The following DACH2 variants were observed in gnomAD, a reference collection of about 807,000 sequenced individuals.
DACH2 encodes the protein dachshund homolog 2.
In DACH2, 17 loss-of-function variants were observed where a neutral mutation model predicts 35.8. The observed-to-expected ratio is 0.48, with a 90% CI of 0.33 to 0.71. DACH2 has a LOEUF of 0.71. Among genes scored for constraint, DACH2 ranks in the 30% least tolerant of loss-of-function variants. The probability of loss-of-function intolerance (pLI) is 0.02; values close to 1 mark genes in which losing one functional copy is unlikely to be tolerated. For synonymous variants in DACH2, 195 were observed against 177.3 expected (o/e 1.10, Z -0.79); for missense variants, 469 against 472.7 (o/e 0.99, Z 0.07).
At chrX:86,674,758 A>C (rs1406617974) in intron 4 of DACH2, among the ~76,000 whole-genome samples, 1 of 111,588 alleles carries the variant, frequency 9.0e-6, no homozygotes, top group East Asian at 2.8e-4. Context: ...CTTTGAAAGA[A>C]AATGAAAAGT....
At chrX:86,224,687 T>G (rs2032784896) in intron 1 of DACH2, among the ~76,000 whole-genome samples, 1 of 111,611 alleles carries the variant, frequency 9.0e-6, no homozygotes, top group African/African-American at 3.2e-5. Context: ...AACGCAGGAT[T>G]TTTTTAAACT....
At chrX:86,752,920 G>A (rs2041789728) in intron 7 of DACH2, among the ~76,000 whole-genome samples, 1 of 111,104 alleles carries the variant, frequency 9.0e-6, no homozygotes, top group Non-Finnish European at 1.9e-5. Flanking sequence ...TAGAACAGTT[G>A]TATAAATATG....
chrX:86,308,343 G>A (rs186513312), intron 1 of DACH2, among the ~76,000 whole-genome samples: 8 of 112,594 alleles, frequency 7.1e-5, no homozygotes, highest in African/African-American at 2.6e-4. Context: ...GGCAGCACTC[G>A]ACTGTCAAAG....
At chrX:86,765,698 G>GTTTTTTTTTTTTTTTTTTTTTT (rs60709865) in intron 7 of DACH2, among the ~76,000 whole-genome samples, 8 of 24,632 alleles carry the variant, frequency 3.2e-4, no homozygotes, top group East Asian at 1.6e-3. Flanking sequence ...TTGTTTTTTG[G>GTTTTTTTTTTTTTTTTTTTTTT]TTTTTTTTTT....
chrX:86,626,252 C>T (rs924383785), intron 3 of DACH2, among the ~76,000 whole-genome samples: 1 of 112,582 alleles, frequency 8.9e-6, no homozygotes, highest in African/African-American at 3.2e-5. Context: ...TCTTAAAGCT[C>T]TTAAATGATC....
chrX:86,177,951 C>A (rs1466813530), intron 1 of DACH2, among the ~76,000 whole-genome samples: 5 of 110,973 alleles, frequency 4.5e-5, no homozygotes, highest in Non-Finnish European at 9.5e-5. Context: ...GGCACTATGA[C>A]CCTGACCTCT....
chrX:86,452,561 A>G (rs1406499860), intron 2 of DACH2, among the ~76,000 whole-genome samples: 1 of 110,849 alleles, frequency 9.0e-6, no homozygotes, highest in African/African-American at 3.3e-5. Context: ...AGGAGGGTGT[A>G]TGTGTTCAGA....
At chrX:86,706,500 A>T (rs1350506067) in intron 5 of DACH2, among the ~76,000 whole-genome samples, 1 of 111,235 alleles carries the variant, frequency 9.0e-6, no homozygotes, top group Non-Finnish European at 1.9e-5. Context: ...GAGTTTTAAT[A>T]GTTTAATTTT....
chrX:86,327,876 A>G (rs978426839), intron 1 of DACH2, among the ~76,000 whole-genome samples: 12 of 111,435 alleles, frequency 1.1e-4, no homozygotes, highest in Admixed American at 3.8e-4. Context: ...CATGACTTTA[A>G]AGGATATCTG....
At chrX:86,529,504 C>T (rs1308604927) in intron 3 of DACH2, among the ~76,000 whole-genome samples, 13 of 104,780 alleles carry the variant, frequency 1.2e-4, no homozygotes, top group African/African-American at 4.6e-4. Flanking sequence ...GATGGAGTCT[C>T]GCTCGTCGCC....
At chrX:86,241,358 G>A (rs1355811753) in intron 1 of DACH2, among the ~76,000 whole-genome samples, 1 of 111,943 alleles carries the variant, frequency 8.9e-6, no homozygotes, top group Non-Finnish European at 1.9e-5. Context: ...CCCTGCCCTA[G>A]AGATGTTTGG....
chrX:86,364,732 T>C (rs2148086318), intron 1 of DACH2, among the ~76,000 whole-genome samples: 1 of 111,994 alleles, frequency 8.9e-6, no homozygotes, highest in South Asian at 3.7e-4. Flanking sequence ...TTTCATTTTT[T>C]CTTTCTTTTA....
intron 7 of DACH2, among the ~76,000 whole-genome samples, chrX:86,783,746 CAT>C (rs1491574983): frequency 9.0e-6 from 1 of 111,327 alleles, no homozygotes. Flanking sequence ...GAAAGTCAAA[CAT>C]AGCATATTCT....
intron 3 of DACH2, among the ~76,000 whole-genome samples, chrX:86,552,981 A>T (rs1402819084): frequency 9.0e-6 from 1 of 111,232 alleles, no homozygotes; most frequent in Non-Finnish European, 1.9e-5. Context: ...CTTATTTCAA[A>T]GTGTACTAGT....
chrX:86,406,281 G>A (rs965793310), intron 2 of DACH2, among the ~76,000 whole-genome samples: 1 of 111,933 alleles, frequency 8.9e-6, no homozygotes, highest in African/African-American at 3.3e-5. Flanking sequence ...CACAAACTAA[G>A]AGAGGAACAG....
intron 1 of DACH2, among the ~76,000 whole-genome samples, chrX:86,358,113 C>G (rs1361526981): frequency 9.0e-6 from 1 of 111,541 alleles, no homozygotes; most frequent in African/African-American, 3.3e-5. Flanking sequence ...CTTGTATTTT[C>G]CTGCAGGATT....
chrX:86,772,147 G>C (rs1411304309), intron 7 of DACH2, among the ~76,000 whole-genome samples: 1 of 111,483 alleles, frequency 9.0e-6, no homozygotes, highest in Non-Finnish European at 1.9e-5. Context: ...ATGTTGGTAT[G>C]AGGAATAAAG....
intron 1 of DACH2, among the ~76,000 whole-genome samples, chrX:86,287,705 A>G (rs1004713899): frequency 8.9e-5 from 10 of 112,066 alleles, no homozygotes; most frequent in African/African-American, 2.6e-4. Context: ...TGCCAATTAC[A>G]TTTTTTAGCT....
intron 3 of DACH2, among the ~76,000 whole-genome samples, chrX:86,537,450 C>A (rs966521778): frequency 9.0e-6 from 1 of 111,315 alleles, no homozygotes; most frequent in African/African-American, 3.3e-5. Flanking sequence ...TCTATTTATA[C>A]TAATATTTGC....
Sources: gnomAD v4.1 joint callset for allele counts (sites outside exome capture counted in the v4.1 genomes callset) on GRCh38, gnomAD v4.1.1 for gene constraint, MANE v1.5 for transcripts, NCBI Gene and HGNC (gene_info 2026-07-23, HGNC 2026-07-21) for gene names.